Variants in PARD3B observed in about 807,000 individuals in gnomAD.
PARD3B encodes par-3 family cell polarity regulator beta, also known as partitioning defective 3 homolog B.
A neutral mutation model predicts 130.2 loss-of-function variants in PARD3B; 103 were observed. The ratio of observed to expected loss-of-function variants is 0.79; its 90% CI spans 0.67 to 0.93. The LOEUF (loss-of-function observed/expected upper bound fraction) is 0.93. PARD3B is among the 40% of genes least tolerant of loss of function. The pLI, the probability that PARD3B is intolerant of heterozygous loss-of-function variation, is 0.00. For synonymous variants in PARD3B, 583 were observed against 553.2 expected (o/e 1.05, Z -0.76); for missense variants, 1,609 against 1,499.2 (o/e 1.07, Z -1.21).
intron 2 of PARD3B, among the ~76,000 whole-genome samples, chr2:204,880,679 A>AAAAAAAAG: frequency 6.6e-6 from 1 of 151,332 alleles, no homozygotes; most frequent in Non-Finnish European, 1.5e-5. Flanking sequence ...AAAAAAAAAA[A>AAAAAAAAG]AAATACAGCA....
intron 2 of PARD3B, among the ~76,000 whole-genome samples, chr2:204,955,591 A>G (rs950119761): frequency 4.6e-5 from 7 of 152,248 alleles, no homozygotes; most frequent in Non-Finnish European, 8.8e-5. Flanking sequence ...CCCATGTGCC[A>G]AGAAACATAC....
chr2:204,807,031 G>A (rs2042792616), intron 2 of PARD3B, among the ~76,000 whole-genome samples: 1 of 152,162 alleles, frequency 6.6e-6, no homozygotes. Context: ...AGAAGGCGAA[G>A]GAGGAGCAAA....
chr2:205,378,834 G>A (rs1047468196), intron 18 of PARD3B, among the ~76,000 whole-genome samples: 3 of 151,884 alleles, frequency 2.0e-5, no homozygotes, highest in African/African-American at 7.3e-5. Context: ...GTTTCACTAT[G>A]TTGGCCAGGA....
intron 22 of PARD3B, among the ~76,000 whole-genome samples, chr2:205,596,640 G>A (rs1317767614): frequency 6.6e-6 from 1 of 152,172 alleles, no homozygotes; most frequent in Admixed American, 6.5e-5. Flanking sequence ...TTATCTGGTG[G>A]AAACTGGGGA....
intron 18 of PARD3B, among the ~76,000 whole-genome samples, chr2:205,368,903 A>C (rs2044709394): frequency 6.6e-6 from 1 of 151,848 alleles, no homozygotes; most frequent in Admixed American, 6.6e-5. Flanking sequence ...AGCTCTCGTA[A>C]CTCTTCTCTA....
At chr2:205,453,870 A>G (rs1260992744) in intron 20 of PARD3B, among the ~76,000 whole-genome samples, 1 of 152,208 alleles carries the variant, frequency 6.6e-6, no homozygotes, top group East Asian at 1.9e-4. Flanking sequence ...GAGTATTGGC[A>G]CATGATGCAA....
Position 205,615,691 on chromosome 2 carries a change from C to T in PARD3B, c.3496C>T (p.His1166Tyr), listed in dbSNP as rs1188480972. ...RQDVPPSPPQ[H>Y]QRMPAYQETG... Reference sequence around the variant, plus strand: ...AGACGTTCCGCCTTCCCCTCCCCAGCACCAAAGAATGCCAGCCTATCAGGA... The same window carrying T: ...AGACGTTCCGCCTTCCCCTCCCCAGTACCAAAGAATGCCAGCCTATCAGGA... Residue 1166 changes from histidine (H) to tyrosine (Y), a missense_variant, in exon 23 of 23, where the codon CAC becomes TAC. Coordinates refer to ENST00000406610, the MANE Select transcript of PARD3B (RefSeq NM_001302769.2). The T allele has an allele frequency of 6.2e-7, 1 of 1,614,122 alleles. No individual in the cohort carries two copies. Among genetic ancestry groups the T allele is most frequent in the East Asian group, 2.2e-5 (1 of 44,846 alleles).
rs1404895810 is a variant in PARD3B at position 205,142,542 on chromosome 2, A to G, written c.1435-16180A>G. Among the ~76,000 whole-genome samples the G allele has an allele frequency of 6.6e-6, 1 of 152,180 alleles. No individual in the cohort carries two copies. The highest frequency in any genetic ancestry group is 1.5e-5 in the Non-Finnish European group (1 of 68,040). ...AACAGGAATCAAAGTTGAATTAAAC[A>G]TAATTTCTGCCCTTGATGAGATCAC... On this transcript the variant is annotated intron_variant, in intron 10 of 22. Coordinates refer to ENST00000406610, the MANE Select transcript of PARD3B (RefSeq NM_001302769.2). The surrounding 1 kb of genome is among the most constrained non-coding windows in gnomAD (Gnocchi z 4.3).
Position 205,352,764 on chromosome 2 carries a change from T to G in PARD3B, c.2631-48249T>G, listed in dbSNP as rs1293582547. On this transcript the variant is annotated intron_variant, in intron 18 of 22. Transcript: ENST00000406610. The surrounding 1 kb of genome is among the most constrained non-coding windows in gnomAD (Gnocchi z 5.2). ...AACTTTGCAGCCATGAGCCATCCCC[T>G]TGTCATTTTCAGCCCCTGACTTGTT... Among the ~76,000 whole-genome samples the G allele has an allele frequency of 6.6e-6, 1 of 152,132 alleles. No individual in the cohort carries two copies. Among genetic ancestry groups the G allele is most frequent in the African/African-American group, 2.4e-5 (1 of 41,420 alleles).
At chr2:204,808,213 A>G (rs2042843361) in intron 2 of PARD3B, among the ~76,000 whole-genome samples, 1 of 151,996 alleles carries the variant, frequency 6.6e-6, no homozygotes, top group Non-Finnish European at 1.5e-5. Flanking sequence ...TTTTTTTACT[A>G]GTTTTATTTT....
chr2:204,820,164 C>T (rs2043291525), intron 2 of PARD3B, among the ~76,000 whole-genome samples: 1 of 148,198 alleles, frequency 6.7e-6, no homozygotes, highest in African/African-American at 2.5e-5. Context: ...CAACCTCTAC[C>T]TCCCGGGTTC....
chr2:205,110,065 C>T (rs16836960), intron 5 of PARD3B, among the ~76,000 whole-genome samples: 5,278 of 152,218 alleles, frequency 0.035, 176 homozygotes, highest in African/African-American at 0.09. Context: ...CACTGGGATA[C>T]ACTTTCTCTG....
chr2:205,424,434 G>C (rs2047075127), intron 19 of PARD3B, among the ~76,000 whole-genome samples: 1 of 152,220 alleles, frequency 6.6e-6, no homozygotes, highest in East Asian at 1.9e-4. Flanking sequence ...AGTGTCCAGG[G>C]CCTTGGGAAG....
intron 18 of PARD3B, among the ~76,000 whole-genome samples, chr2:205,333,029 T>C (rs535879142): frequency 2.8e-4 from 42 of 152,168 alleles, no homozygotes; most frequent in Non-Finnish European, 5.1e-4. Flanking sequence ...AAATGAATAA[T>C]AGTTAACTCA....
intron 21 of PARD3B, among the ~76,000 whole-genome samples, chr2:205,511,434 T>C (rs1196786318): frequency 6.6e-6 from 1 of 152,210 alleles, no homozygotes; most frequent in Non-Finnish European, 1.5e-5. Flanking sequence ...GTCCAGGATG[T>C]CGAGTTTAGA....
chr2:204,957,570 T>C lies in PARD3B; in HGVS notation c.223-7582T>C, dbSNP rs373516072. Among the ~76,000 whole-genome samples, 179 of 152,272 alleles carry C rather than the reference T, an allele frequency of 1.2e-3. 1 individual carries two copies. The highest frequency in any genetic ancestry group is 4.1e-3 in the African/African-American group (172 of 41,570). On this transcript the variant is annotated intron_variant, in intron 2 of 22. Coordinates refer to ENST00000406610, the MANE Select transcript of PARD3B (RefSeq NM_001302769.2). ...CTTTGAGGATGCTGGAGCTGATGCTTGCCTCTGATGAAGATGCTAATGTGA... is the reference window on the plus strand; with the variant it reads ...CTTTGAGGATGCTGGAGCTGATGCTCGCCTCTGATGAAGATGCTAATGTGA...
At position 204,883,247 on chromosome 2, in the gene PARD3B, A is replaced by T. The variant is rs993512039; in HGVS notation, c.223-81905A>T. Reference sequence around the variant, plus strand: ...TCGTTTTCTCCTCATCACTATCCTAACAGTTAGTCTCTGTCATTGTGTTAA... The same window carrying T: ...TCGTTTTCTCCTCATCACTATCCTATCAGTTAGTCTCTGTCATTGTGTTAA... On this transcript the variant is annotated intron_variant, in intron 2 of 22. Transcript: ENST00000406610. Among the ~76,000 whole-genome samples, 3 of 151,096 alleles carry T rather than the reference A, an allele frequency of 2.0e-5. No individual in the cohort carries two copies. The South Asian group carries it at 6.3e-4, about 32-fold the overall frequency.
chr2:205,059,583 TA>T (rs1699942914), intron 4 of PARD3B, among the ~76,000 whole-genome samples: 1 of 152,102 alleles, frequency 6.6e-6, no homozygotes. Context: ...GGAATACCTC[TA>T]GCATAATTTG....
intron 22 of PARD3B, among the ~76,000 whole-genome samples, chr2:205,569,790 G>C (rs1411279065): frequency 1.3e-5 from 2 of 152,186 alleles, no homozygotes; most frequent in Admixed American, 6.5e-5. Flanking sequence ...TCTGGGAATA[G>C]TCAAGATCAT....
Sources: gnomAD v4.1 joint callset for allele counts (sites outside exome capture counted in the v4.1 genomes callset) on GRCh38, gnomAD v4.1.1 for gene constraint, Gnocchi (gnomAD v3.1) non-coding constraint, MANE v1.5 for transcripts, NCBI Gene and HGNC (gene_info 2026-07-23, HGNC 2026-07-21) for gene names.